CSNK1D: variants seen among roughly 807,000 people sequenced by gnomAD.
CSNK1D encodes the protein casein kinase 1 delta, also known as casein kinase I isoform delta.
In CSNK1D, 16 loss-of-function variants were observed where a neutral mutation model predicts 46.6. The observed-to-expected ratio is 0.34, with a 90% confidence interval of 0.23 to 0.52. The LOEUF (loss-of-function observed/expected upper bound fraction) is 0.52, where lower values mean the gene tolerates loss of function less well. CSNK1D is among the 20% of genes least tolerant of loss of function. CSNK1D has a pLI of 0.95. For synonymous variants in CSNK1D, 276 were observed against 228.2 expected, an observed-to-expected ratio of 1.21 and a Z score of -1.89; for missense variants, 398 against 578.4, an observed-to-expected ratio of 0.69 and a Z score of 3.20.
rs1402711694 is a variant in CSNK1D, at chr17:82,243,309, A to G, written c.*1472T>C. ...CGAAGCCCTAGAGTCCAAAGGGAAC[A>G]TCGTCCATCGTGATGGGGTCCAGCC... On this transcript the variant is annotated 3_prime_UTR_variant, in exon 9 of 9. Coordinates refer to ENST00000314028, the MANE Select transcript of CSNK1D (RefSeq NM_001893.6). The G allele has an allele frequency of 2.0e-6, 2 of 985,490 alleles. No individual in the cohort carries two copies. Among genetic ancestry groups the G allele is most frequent in the Non-Finnish European group, 2.4e-6 (2 of 829,968 alleles). The allele number at this position is 985,490 out of a possible 1,614,324, so 61.0% of individuals were successfully genotyped here.
chr17:82,266,434 G>A (rs1345737489), intron 1 of CSNK1D, among the ~76,000 whole-genome samples: 2 of 152,172 alleles, frequency 1.3e-5, no homozygotes, highest in African/African-American at 2.4e-5. Context: ...CTACCAACAC[G>A]CACCGGTCAC....
Position 82,244,335 on chromosome 17 carries a change from A to G in CSNK1D, c.*446T>C. On this transcript the variant is annotated 3_prime_UTR_variant, in exon 9 of 9. Coordinates refer to ENST00000314028, the MANE Select transcript of CSNK1D (RefSeq NM_001893.6). Reference sequence around the variant, plus strand: ...ACATTTTTTTTGTAAGACTGCAAAAACAGACAAGAAACAATAAAAAGACAG... The same window carrying G: ...ACATTTTTTTTGTAAGACTGCAAAAGCAGACAAGAAACAATAAAAAGACAG... 1 of 1,102,670 alleles carries G rather than the reference A, an allele frequency of 9.1e-7. No homozygotes were observed. Among genetic ancestry groups the G allele is most frequent in the Non-Finnish European group, 1.1e-6 (1 of 897,112 alleles). 68.3% of individuals were successfully genotyped at this position (1,102,670 alleles called of 1,614,324 possible). A position where few individuals can be genotyped will look rare whatever the true frequency, so the allele number is the denominator to read the frequency against.
chr17:82,242,294 G>T (rs185901031), downstream of CSNK1D, among the ~76,000 whole-genome samples: 169 of 152,202 alleles, frequency 1.1e-3, no homozygotes, highest in African/African-American at 3.8e-3. Context: ...CAGCTCAAGC[G>T]ACAGGGGGAT....
chr17:82,247,062 G>A (rs1336043447), intron 8 of CSNK1D: 19 of 985,360 alleles, frequency 1.9e-5, no homozygotes, highest in Non-Finnish European at 1.2e-6. Flanking sequence ...CCTGGAGGTG[G>A]GGAGCCCTCA....
In CSNK1D at chr17:82,253,112, G is replaced by T. The variant is rs766658391; in HGVS notation, c.469C>A (p.Arg157=). 6.4e-5 allele frequency: 104 copies of T among 1,614,078 alleles called. No individual in the cohort carries two copies. Among genetic ancestry groups the T allele is most frequent in the Non-Finnish European group, 6.0e-5 (71 of 1,180,030 alleles). ...IIDFGLAKKY[R]DARTHQHIPY... Reference sequence around the variant, plus strand: ...ATGTGCTGGTGGGTGCGTGCATCCCGGTACTTCTTGGCCAGCCCGAAGTCG... The same window carrying T: ...ATGTGCTGGTGGGTGCGTGCATCCCTGTACTTCTTGGCCAGCCCGAAGTCG... The change falls in exon 4 of 9, where the codon CGG becomes AGG. Residue 157 remains arginine (R), a synonymous_variant. Coordinates refer to ENST00000314028, the MANE Select transcript of CSNK1D (RefSeq NM_001893.6).
At chr17:82,264,928 G>GTC (rs1197045774) in intron 2 of CSNK1D, among the ~76,000 whole-genome samples, 4 of 151,470 alleles carry the variant, frequency 2.6e-5, no homozygotes, top group African/African-American at 7.3e-5. Flanking sequence ...CTCCCAAGTA[G>GTC]CTGGGACTAC....
chr17:82,248,684 G>A lies in CSNK1D; in HGVS notation c.1197+191C>T, dbSNP rs1355302142. 6 of 1,422,312 alleles carry A rather than the reference G, an allele frequency of 4.2e-6. No individual in the cohort carries two copies. The highest frequency in any genetic ancestry group is 1.9e-4 in the Middle Eastern group (1 of 5,160). The allele number at this position is 1,422,312 out of a possible 1,614,324, so 88.1% of individuals were successfully genotyped here. A position where few individuals can be genotyped will look rare whatever the true frequency, so the allele number is the denominator to read the frequency against. On this transcript the variant is annotated intron_variant, in intron 8 of 8. Transcript: ENST00000314028. This position sits in a 1 kb window ranked among gnomAD's most constrained non-coding sequence, Gnocchi z 4.1. ...GCAACCAGGAGACAAGCCCCATGACGGCCCAGCATGTCTCCCAGGCCCTCC... is the reference window on the plus strand; with the variant it reads ...GCAACCAGGAGACAAGCCCCATGACAGCCCAGCATGTCTCCCAGGCCCTCC...
chr17:82,260,160 C>T (rs1045990109), intron 2 of CSNK1D, among the ~76,000 whole-genome samples: 9 of 144,004 alleles, frequency 6.2e-5, no homozygotes, highest in Non-Finnish European at 1.3e-4. Flanking sequence ...TGATGGTGTA[C>T]TGACTGATGT....
rs978987880 is a variant in CSNK1D at position 82,252,964 on chromosome 17, T to G, written c.565+52A>C. 2 of 1,530,308 alleles carry G rather than the reference T, an allele frequency of 1.3e-6. No individual in the cohort carries two copies. The highest frequency in any genetic ancestry group is 1.8e-6 in the Non-Finnish European group (2 of 1,106,918). The allele number at this position is 1,530,308 out of a possible 1,614,324, so 94.8% of individuals were successfully genotyped here. ...GCTGGCCTCTCCCTGGGCTGAGGCA[T>G]GGACGCGCCCAAAGGCACCCCAGGT... On this transcript the variant is annotated intron_variant, in intron 4 of 8. Transcript: ENST00000314028. This position sits in a 1 kb window ranked among gnomAD's most constrained non-coding sequence, Gnocchi z 4.6.
Position 82,273,566 on chromosome 17 carries a change from G to C in CSNK1D, c.-185C>G. On this transcript the variant is annotated 5_prime_UTR_variant, in exon 1 of 9. Coordinates refer to ENST00000314028, the MANE Select transcript of CSNK1D (RefSeq NM_001893.6). The surrounding 1 kb of genome is among the most constrained non-coding windows in gnomAD (Gnocchi z 5.1). The stretch of plus-strand genomic sequence containing the variant: ...CAGCGCCTCAATACGGGGCGGATGG[G>C]ACAGTCCGAGCGCCGCCGCCGCTGC... 1 of 691,410 alleles carries C rather than the reference G, an allele frequency of 1.4e-6. No homozygotes were observed. The highest frequency in any genetic ancestry group is 2.3e-6 in the Non-Finnish European group (1 of 425,850). 42.8% of individuals were successfully genotyped at this position (691,410 alleles called of 1,614,324 possible).
intron 3 of CSNK1D, 186 bp from the exon 4 acceptor site, chr17:82,253,430 T>G (rs1254526452): frequency 3.2e-6 from 2 of 632,156 alleles, no homozygotes; most frequent in Non-Finnish European, 5.9e-6. Flanking sequence ...GCAGCAACCC[T>G]CCACACTCCA....
rs765736006 is a variant in CSNK1D at position 82,251,418 on chromosome 17, G to A, written c.846C>T (p.Phe282=). The change falls in exon 6 of 9, where the codon TTC becomes TTT. Residue 282 remains phenylalanine, a synonymous_variant. Coordinates refer to ENST00000314028, the MANE Select transcript of CSNK1D (RefSeq NM_001893.6). This position sits in a 1 kb window ranked among gnomAD's most constrained non-coding sequence, Gnocchi z 4.5. ...TCCAGTCGAACACGTAGTCATAGGA[G>A]AAGCCCTGGCGATGGAACAGATTCC... ...LFRNLFHRQG[F]SYDYVFDWNM... is the part of the protein sequence containing the mutation. The A allele has an allele frequency of 6.8e-6, 11 of 1,614,062 alleles. No individual in the cohort carries two copies. The East Asian group carries it at 1.8e-4, about 26-fold the overall frequency.
chr17:82,244,747 C>T lies in CSNK1D; in HGVS notation c.*34G>A. ...TTGGTAACAGAGTAGATCAGCCATG[C>T]ATTGTCTGCCCTTCACAGCAATAAG... On this transcript the variant is annotated 3_prime_UTR_variant, in exon 9 of 9. Coordinates refer to ENST00000314028, the MANE Select transcript of CSNK1D (RefSeq NM_001893.6). 6.2e-7 allele frequency: 1 copy of T among 1,613,770 alleles called. No individual in the cohort carries two copies. The highest frequency in any genetic ancestry group is 8.5e-7 in the Non-Finnish European group (1 of 1,180,018).
chr17:82,243,133 T>C lies in CSNK1D; in HGVS notation c.*1648A>G. ...CCCGTACTCCAAAACGCTTACACAG[T>C]AACCAGCCTAGGATTGAGAAAGCAT... On this transcript the variant is annotated 3_prime_UTR_variant, in exon 9 of 9. Transcript: ENST00000314028. 2 of 985,444 alleles carry C rather than the reference T, an allele frequency of 2.0e-6. No individual in the cohort carries two copies. Among genetic ancestry groups the C allele is most frequent in the Non-Finnish European group, 2.4e-6 (2 of 829,984 alleles). The allele number at this position is 985,444 out of a possible 1,614,324, so 61.0% of individuals were successfully genotyped here.
At position 82,249,069 on chromosome 17, in the gene CSNK1D, G is replaced by A. The variant is rs140660733; in HGVS notation, c.1058-55C>T. 1.9e-3 allele frequency: 2,888 copies of A among 1,537,204 alleles called. 53 individuals carry two copies. The African/African-American group carries it at 0.033, about 18-fold the overall frequency. ...CGCCCCCGTCTGCTGCCTCTCACTC[G>A]GGGCTTTCTATGAGAGGCTGTGGCC... On this transcript the variant is annotated intron_variant, in intron 7 of 8. Transcript: ENST00000314028. This position sits in a 1 kb window ranked among gnomAD's most constrained non-coding sequence, Gnocchi z 6.7.
intron 3 of CSNK1D, chr17:82,253,714 G>A (rs1418749154): frequency 5.8e-6 from 2 of 343,214 alleles, no homozygotes; most frequent in Admixed American, 4.5e-5. Context: ...GCCTCGAGAA[G>A]CCAGTGAGCT....
rs766007194 is a variant in CSNK1D at position 82,269,096 on chromosome 17, T to TAAA, written c.77-3303_77-3301dup. ...TAGGCAACAGAATGATACTTTGTCT[T>TAAA]AAAAAAAAAAAAAAAAAAAAAAAGC... On this transcript the variant is annotated intron_variant, in intron 1 of 8. Transcript: ENST00000314028. Among the ~76,000 whole-genome samples the TAAA allele has an allele frequency of 6.3e-3, 663 of 105,360 alleles. 2 individuals are homozygous for TAAA. Among genetic ancestry groups the TAAA allele is most frequent in the Non-Finnish European group, 9.8e-3 (505 of 51,378 alleles). The allele number at this position is 105,360 out of a possible 152,430, so 69.1% of individuals were successfully genotyped here.
chr17:82,252,932 C>G lies in CSNK1D; in HGVS notation c.565+84G>C. ...ATGACACGCTTGCAGCCCCAGCTCCCCGAGAGGCTGGCCTCTCCCTGGGCT... is the reference window on the plus strand; with the variant it reads ...ATGACACGCTTGCAGCCCCAGCTCCGCGAGAGGCTGGCCTCTCCCTGGGCT... On this transcript the variant is annotated intron_variant, in intron 4 of 8. Coordinates refer to ENST00000314028, the MANE Select transcript of CSNK1D (RefSeq NM_001893.6). The surrounding 1 kb of genome is among the most constrained non-coding windows in gnomAD (Gnocchi z 4.6). The G allele has an allele frequency of 3.9e-6, 5 of 1,280,404 alleles. No individual in the cohort carries two copies. The highest frequency in any genetic ancestry group is 5.6e-6 in the Non-Finnish European group (5 of 891,238). 79.3% of individuals were successfully genotyped at this position (1,280,404 alleles called of 1,614,324 possible).
At chr17:82,253,516 G>A (rs910950233) in intron 3 of CSNK1D, 13 of 466,718 alleles carry the variant, frequency 2.8e-5, no homozygotes, top group African/African-American at 1.4e-4. Context: ...GGGACAACCC[G>A]CCACTAGACA....
Sources: allele counts gnomAD v4.1 joint callset (sites outside exome capture counted in the v4.1 genomes callset), GRCh38; gene constraint gnomAD v4.1.1; non-coding constraint Gnocchi (gnomAD v3.1); transcripts MANE v1.5; gene names NCBI Gene and HGNC (gene_info 2026-07-23, HGNC 2026-07-21).